EPHA6: variants seen among roughly 807,000 people sequenced by gnomAD.
EPHA6 encodes ephrin type-A receptor 6.
Under a neutral mutation model 112.0 loss-of-function variants are expected in EPHA6, and 50 were observed. The observed-to-expected ratio is 0.45, with a 90% CI of 0.36 to 0.56. The LOEUF (loss-of-function observed/expected upper bound fraction) is 0.56. Among genes scored for constraint, EPHA6 ranks in the 20% least tolerant of loss-of-function variants. The pLI is 0.00. For synonymous variants in EPHA6, 529 were observed against 490.7 expected (o/e 1.08, Z -1.03); for missense variants, 1,280 against 1,417.4 (o/e 0.90, Z 1.56).
chr3:96,856,581 A>G (rs1031711003), intron 1 of EPHA6, among the ~76,000 whole-genome samples: 29 of 152,150 alleles, frequency 1.9e-4, no homozygotes, highest in Admixed American at 1.8e-3. Context: ...CTTAAATACT[A>G]GTGTTATAGT....
At chr3:97,732,535 G>A (rs2035082282) in intron 15 of EPHA6, among the ~76,000 whole-genome samples, 1 of 151,984 alleles carries the variant, frequency 6.6e-6, no homozygotes, top group Non-Finnish European at 1.5e-5. Context: ...TATCCGTTTG[G>A]ATGAATAAAT....
At chr3:97,032,333 G>C (rs1394803426) in intron 3 of EPHA6, among the ~76,000 whole-genome samples, 2 of 152,010 alleles carry the variant, frequency 1.3e-5, no homozygotes, top group Non-Finnish European at 1.5e-5. Context: ...AGCATTAGGA[G>C]ATATACCTAA....
chr3:96,818,470 GACAA>G (rs1223054590), intron 1 of EPHA6, among the ~76,000 whole-genome samples: 1 of 151,878 alleles, frequency 6.6e-6, no homozygotes, highest in East Asian at 1.9e-4. Context: ...GCAATTCAGT[GACAA>G]ACAAAATAAG....
At chr3:97,383,505 A>T (rs1308785514) in intron 5 of EPHA6, among the ~76,000 whole-genome samples, 9 of 152,098 alleles carry the variant, frequency 5.9e-5, no homozygotes, top group African/African-American at 2.2e-4. Context: ...TTAATCAAGT[A>T]CCAATGGATG....
At chr3:97,332,133 A>G (rs1481854334) in intron 5 of EPHA6, among the ~76,000 whole-genome samples, 1 of 152,216 alleles carries the variant, frequency 6.6e-6, no homozygotes, top group Non-Finnish European at 1.5e-5. Flanking sequence ...AATCCAGCAT[A>G]TAAACAGAAC....
intron 9 of EPHA6, among the ~76,000 whole-genome samples, chr3:97,479,653 G>A (rs2107477730): frequency 6.6e-6 from 1 of 152,052 alleles, no homozygotes; most frequent in South Asian, 2.1e-4. Context: ...CACTCACAAT[G>A]GCTCTAAAAC....
intron 3 of EPHA6, among the ~76,000 whole-genome samples, chr3:97,168,086 A>T (rs958656786): frequency 6.6e-6 from 1 of 152,154 alleles, no homozygotes. Context: ...TATTAATTTC[A>T]TCCTTTTCAC....
chr3:97,058,750 T>C (rs2045929927), intron 3 of EPHA6, among the ~76,000 whole-genome samples: 1 of 152,228 alleles, frequency 6.6e-6, no homozygotes, highest in Non-Finnish European at 1.5e-5. Context: ...TTGAAAAATA[T>C]ATAAAGATCC....
At chr3:97,478,199 A>G (rs540113269) in intron 8 of EPHA6, among the ~76,000 whole-genome samples, 1 of 152,280 alleles carries the variant, frequency 6.6e-6, no homozygotes, top group South Asian at 2.1e-4. Context: ...TATCTTGTAG[A>G]ACATAAGTTA....
chr3:97,535,262 T>A (rs2317420), intron 11 of EPHA6, among the ~76,000 whole-genome samples: 1 of 113,912 alleles, frequency 8.8e-6, no homozygotes, highest in Non-Finnish European at 2.0e-5. Flanking sequence ...TGACCTCTAC[T>A]TAGCCACATT....
At chr3:97,714,285 T>C (rs1329314992) in intron 14 of EPHA6, among the ~76,000 whole-genome samples, 1 of 152,242 alleles carries the variant, frequency 6.6e-6, no homozygotes, top group Non-Finnish European at 1.5e-5. Context: ...ATGTGTACCA[T>C]CTCATTTAAT....
At chr3:97,164,106 C>T (rs2076481162) in intron 3 of EPHA6, among the ~76,000 whole-genome samples, 1 of 152,166 alleles carries the variant, frequency 6.6e-6, no homozygotes, top group Non-Finnish European at 1.5e-5. Flanking sequence ...TAGCCAATCT[C>T]ATTATATTTG....
At chr3:97,470,824 A>G (rs1472473877) in intron 7 of EPHA6, among the ~76,000 whole-genome samples, 1 of 151,654 alleles carries the variant, frequency 6.6e-6, no homozygotes, top group Non-Finnish European at 1.5e-5. Context: ...GAAATATATC[A>G]TTTTAATATT....
chr3:97,347,293 AC>A (rs2083580991), intron 5 of EPHA6, among the ~76,000 whole-genome samples: 1 of 152,066 alleles, frequency 6.6e-6, no homozygotes, highest in Non-Finnish European at 1.5e-5. Flanking sequence ...TTTTCAAGGA[AC>A]GTGATCTTTT....
intron 1 of EPHA6, among the ~76,000 whole-genome samples, chr3:96,820,185 G>T (rs1169312069): frequency 6.6e-6 from 1 of 152,108 alleles, no homozygotes; most frequent in Non-Finnish European, 1.5e-5. Context: ...AGAAAGTGAA[G>T]TCTGAAAGAT....
At chr3:96,864,175 T>TA (rs2036171208) in intron 1 of EPHA6, among the ~76,000 whole-genome samples, 2 of 152,038 alleles carry the variant, frequency 1.3e-5, no homozygotes, top group African/African-American at 2.4e-5. Flanking sequence ...ATAGTTTATT[T>TA]AAAAAACAAA....
At chr3:96,983,816 C>T (rs986910798) in intron 2 of EPHA6, among the ~76,000 whole-genome samples, 1 of 152,176 alleles carries the variant, frequency 6.6e-6, no homozygotes, top group African/African-American at 2.4e-5. Flanking sequence ...TCTTCAATCA[C>T]TGATACCCTT....
At chr3:97,032,555 G>A (rs2044906606) in intron 3 of EPHA6, among the ~76,000 whole-genome samples, 1 of 151,990 alleles carries the variant, frequency 6.6e-6, no homozygotes, top group Non-Finnish European at 1.5e-5. Context: ...ACACATGAAG[G>A]TCACAATTCC....
intron 15 of EPHA6, among the ~76,000 whole-genome samples, chr3:97,729,851 T>G (rs566147324): frequency 1.3e-5 from 2 of 152,224 alleles, no homozygotes; most frequent in South Asian, 4.1e-4. Context: ...AAGTATAGAC[T>G]GTGACTCTCT....
Sources: allele counts gnomAD v4.1 joint callset (sites outside exome capture counted in the v4.1 genomes callset), GRCh38; gene constraint gnomAD v4.1.1; transcripts MANE v1.5; gene names NCBI Gene and HGNC (gene_info 2026-07-23, HGNC 2026-07-21).